The following IGF1R variants were observed in gnomAD, a reference collection of about 807,000 sequenced individuals.
IGF1R encodes insulin-like growth factor 1 receptor.
IGF1R carries 44 observed loss-of-function variants against 144.6 expected under a neutral mutation model. The ratio of observed to expected loss-of-function variants is 0.30; its 90% confidence interval spans 0.24 to 0.39. The LOEUF is 0.39. IGF1R is among the 10% of genes least tolerant of loss of function. IGF1R has a pLI of 1.00. For synonymous variants in IGF1R, 795 were observed against 722.8 expected (o/e 1.10, Z -1.60); for missense variants, 1,355 against 1,833.7 (o/e 0.74, Z 4.77).
intron 1 of IGF1R, among the ~76,000 whole-genome samples, chr15:98,692,952 T>C (rs932801793): frequency 2.6e-5 from 4 of 152,150 alleles, no homozygotes; most frequent in African/African-American, 9.7e-5. Flanking sequence ...CCTGGATCCT[T>C]AGTCTCCAGC....
chr15:98,823,408 C>A (rs927739505), intron 2 of IGF1R, among the ~76,000 whole-genome samples: 1 of 152,248 alleles, frequency 6.6e-6, no homozygotes, highest in Non-Finnish European at 1.5e-5. Context: ...TCCCCTCCCA[C>A]CACCAATCAG....
intron 2 of IGF1R, among the ~76,000 whole-genome samples, chr15:98,728,007 G>GGTT (rs771632335): frequency 1.8e-5 from 2 of 108,750 alleles, no homozygotes; most frequent in Non-Finnish European, 3.5e-5. Context: ...AAGATGCATT[G>GGTT]TTTTTTTTTT....
chr15:98,925,505 A>G (rs1232799136), intron 13 of IGF1R, among the ~76,000 whole-genome samples: 1 of 152,278 alleles, frequency 6.6e-6, no homozygotes, highest in Non-Finnish European at 1.5e-5. Flanking sequence ...GGCATAACAC[A>G]TAAAATAGCA....
chr15:98,848,226 A>T (rs980848419), intron 2 of IGF1R, among the ~76,000 whole-genome samples: 2 of 152,234 alleles, frequency 1.3e-5, no homozygotes, highest in African/African-American at 4.8e-5. Context: ...TTATTCTTAA[A>T]GGGACATATC....
At chr15:98,919,279 C>G (rs928897941) in intron 10 of IGF1R, among the ~76,000 whole-genome samples, 1 of 152,180 alleles carries the variant, frequency 6.6e-6, no homozygotes, top group African/African-American at 2.4e-5. Context: ...TAGCTCGTGG[C>G]AGCTCCTGCT....
chr15:98,728,676 C>T (rs1167641618), intron 2 of IGF1R, among the ~76,000 whole-genome samples: 1 of 152,254 alleles, frequency 6.6e-6, no homozygotes, highest in Non-Finnish European at 1.5e-5. Flanking sequence ...CGGGGTCAGG[C>T]CCCCATCGCT....
At chr15:98,930,377 A>T in intron 15 of IGF1R, 72 bp downstream of exon 15, 1 of 1,039,036 alleles carries the variant, frequency 9.6e-7, no homozygotes, top group Non-Finnish European at 1.5e-6. Context: ...AGGGTTGCTA[A>T]TTTGGGAAAG....
intron 18 of IGF1R, 113 bp downstream of exon 18, chr15:98,939,473 G>C (rs45554539): frequency 1.0e-6 from 1 of 981,080 alleles, no homozygotes; most frequent in Admixed American, 1.7e-5. Flanking sequence ...TTGAGTGCAC[G>C]GACTCCTTCT....
chr15:98,769,432 G>A (rs927755009), intron 2 of IGF1R, among the ~76,000 whole-genome samples: 7 of 152,188 alleles, frequency 4.6e-5, no homozygotes, highest in Non-Finnish European at 1.0e-4. Flanking sequence ...AACTCATAAA[G>A]CTGTATGCAT....
At chr15:98,749,318 G>A (rs969930529) in intron 2 of IGF1R, among the ~76,000 whole-genome samples, 4 of 152,102 alleles carry the variant, frequency 2.6e-5, no homozygotes, top group Admixed American at 6.5e-5. Context: ...AGGTAAAGCT[G>A]TATCTTAAAT....
intron 2 of IGF1R, among the ~76,000 whole-genome samples, chr15:98,710,944 A>G (rs2053977868): frequency 1.3e-5 from 2 of 152,226 alleles, no homozygotes; most frequent in Non-Finnish European, 1.5e-5. Flanking sequence ...TGTTAGGATT[A>G]CAGGTGTGAG....
In IGF1R at chr15:98,650,799, C is replaced by T. The variant is rs1028638866; in HGVS notation, c.94+1124C>T. ...CCCTCTCTTCTGCCGCCCCGCACTT[C>T]CTTTGTACGTAGTTAATAAGCAGTG... On this transcript the variant is annotated intron_variant, in intron 1 of 20. Transcript: ENST00000650285. 8 of 677,908 alleles carry T rather than the reference C, an allele frequency of 1.2e-5. No homozygotes were observed. In the Admixed American group the frequency reaches 3.8e-4, roughly 32 times the overall value. 42.0% of individuals were successfully genotyped at this position (677,908 alleles called of 1,614,324 possible).
intron 2 of IGF1R, among the ~76,000 whole-genome samples, chr15:98,857,839 A>G (rs930245956): frequency 6.6e-6 from 1 of 152,238 alleles, no homozygotes; most frequent in Non-Finnish European, 1.5e-5. Context: ...TTATTTTGAT[A>G]AGGATAACTG....
intron 2 of IGF1R, among the ~76,000 whole-genome samples, chr15:98,715,379 A>G (rs768588858): frequency 3.3e-5 from 5 of 152,178 alleles, no homozygotes; most frequent in African/African-American, 4.8e-5. Flanking sequence ...TAAGAGACCA[A>G]AAAGCTTTCA....
At chr15:98,906,501 C>T (rs949924368) in intron 5 of IGF1R, among the ~76,000 whole-genome samples, 2 of 152,222 alleles carry the variant, frequency 1.3e-5, no homozygotes, top group African/African-American at 4.8e-5. Flanking sequence ...CTCCATCCCT[C>T]CTTCCGTTGT....
At chr15:98,933,566 G>A (rs1467263216) in intron 15 of IGF1R, among the ~76,000 whole-genome samples, 1 of 152,082 alleles carries the variant, frequency 6.6e-6, no homozygotes, top group Non-Finnish European at 1.5e-5. Context: ...CAAATTCCTG[G>A]GCTCAAGCGA....
chr15:98,872,488 C>T (rs1011050184), intron 2 of IGF1R, among the ~76,000 whole-genome samples: 4 of 152,164 alleles, frequency 2.6e-5, no homozygotes, highest in Non-Finnish European at 5.9e-5. Context: ...GCAGAATTAG[C>T]AGAGTCAGGA....
At chr15:98,782,284 A>G (rs1206339082) in intron 2 of IGF1R, among the ~76,000 whole-genome samples, 1 of 152,200 alleles carries the variant, frequency 6.6e-6, no homozygotes, top group East Asian at 1.9e-4. Flanking sequence ...TTTGTTTACC[A>G]TGTTGAATTA....
chr15:98,901,265 C>T lies in IGF1R; in HGVS notation c.1247+1644C>T, dbSNP rs188028717. On this transcript the variant is annotated intron_variant, in intron 5 of 20. Transcript: ENST00000650285. ...GGAGGGCAAGTGGGCCTTGGGTTTT[C>T]CCTGCTGCTGCTGCTCCCCAGTAGT... is the stretch of plus-strand genomic sequence containing the variant. 3.8e-3 allele frequency among the ~76,000 whole-genome samples: 572 copies of T among 152,310 alleles called. 4 individuals carry two copies. Among genetic ancestry groups the T allele is most frequent in the African/African-American group, 0.012 (513 of 41,564 alleles).
Sources: gnomAD v4.1 joint callset for allele counts (sites outside exome capture counted in the v4.1 genomes callset) on GRCh38, gnomAD v4.1.1 for gene constraint, MANE v1.5 for transcripts, NCBI Gene and HGNC (gene_info 2026-07-23, HGNC 2026-07-21) for gene names.